The following NBEA variants were observed in gnomAD, a reference collection of about 807,000 sequenced individuals.
The protein encoded by NBEA is lysosomal-trafficking regulator 2.
Under a neutral mutation model 343.4 loss-of-function variants are expected in NBEA, and 44 were observed. The observed-to-expected ratio is 0.13, with a 90% CI of 0.10 to 0.16. The LOEUF (loss-of-function observed/expected upper bound fraction) is 0.16. NBEA is among the 10% of genes least tolerant of loss of function. The pLI, the probability that NBEA is intolerant of heterozygous loss-of-function variation, is 1.00. For missense variants in NBEA, 2,555 were observed against 3,631.3 expected (o/e 0.70, Z 7.62); for synonymous variants, 1,175 against 1,238.7 (o/e 0.95, Z 1.08).
chr13:35,201,083 A>T (rs1323672672), intron 31 of NBEA, among the ~76,000 whole-genome samples: 1 of 152,074 alleles, frequency 6.6e-6, no homozygotes, highest in Non-Finnish European at 1.5e-5. Flanking sequence ...TTGATTATTC[A>T]TCTTCCAGCC....
At chr13:35,577,436 A>G (rs1386000641) in intron 45 of NBEA, among the ~76,000 whole-genome samples, 3 of 152,124 alleles carry the variant, frequency 2.0e-5, no homozygotes, top group African/African-American at 7.2e-5. Context: ...TCTTATATAT[A>G]TTGGAAATTG....
intron 1 of NBEA, among the ~76,000 whole-genome samples, chr13:35,011,590 T>G (rs9542957): frequency 0.93 from 140,988 of 152,208 alleles, 65,799 homozygotes; most frequent in Non-Finnish European, 0.99. Flanking sequence ...TAGCAAAAAT[T>G]TTTTGATATT....
chr13:35,513,845 C>A (rs1303987420), intron 41 of NBEA, among the ~76,000 whole-genome samples: 1 of 151,876 alleles, frequency 6.6e-6, no homozygotes, highest in African/African-American at 2.4e-5. Flanking sequence ...TTTAAAAAAA[C>A]CTAAAATTCC....
intron 39 of NBEA, among the ~76,000 whole-genome samples, chr13:35,432,884 C>A (rs1029058079): frequency 6.6e-6 from 1 of 151,746 alleles, no homozygotes; most frequent in African/African-American, 2.4e-5. Flanking sequence ...TATGCATATA[C>A]ATATTGTATA....
At chr13:35,124,362 A>G (rs1359819358) in intron 17 of NBEA, among the ~76,000 whole-genome samples, 1 of 151,352 alleles carries the variant, frequency 6.6e-6, no homozygotes, top group East Asian at 1.9e-4. Flanking sequence ...TGTATAGCCT[A>G]GAAGTTTAAA....
intron 39 of NBEA, among the ~76,000 whole-genome samples, chr13:35,446,085 C>T (rs868865838): frequency 2.0e-5 from 3 of 151,122 alleles, no homozygotes; most frequent in East Asian, 3.9e-4. Flanking sequence ...TTTGTCCTTA[C>T]GATAGTTTGC....
chr13:35,258,170 ATT>A (rs572598945), intron 34 of NBEA, among the ~76,000 whole-genome samples: 39 of 134,584 alleles, frequency 2.9e-4, no homozygotes, highest in Middle Eastern at 4.1e-3. Context: ...AGTCTTTGTC[ATT>A]TTTTTTTTTT....
intron 45 of NBEA, among the ~76,000 whole-genome samples, chr13:35,575,967 A>G (rs1164520252): frequency 6.6e-6 from 1 of 152,010 alleles, no homozygotes; most frequent in Non-Finnish European, 1.5e-5. Flanking sequence ...AATATTTTGC[A>G]TGTATTTATT....
intron 1 of NBEA, among the ~76,000 whole-genome samples, chr13:34,948,372 G>A (rs998313447): frequency 9.2e-5 from 14 of 152,186 alleles, no homozygotes; most frequent in African/African-American, 3.4e-4. Context: ...AAGGCTTTCT[G>A]ATGGGGATGC....
intron 38 of NBEA, among the ~76,000 whole-genome samples, chr13:35,378,187 A>G (rs1368014217): frequency 1.3e-5 from 2 of 152,184 alleles, no homozygotes; most frequent in Non-Finnish European, 2.9e-5. Flanking sequence ...TTTTTGCTTC[A>G]TTCTTCCTCA....
In NBEA at chr13:34,942,841, C is replaced by A; in HGVS notation, c.21C>A (p.Gly7=). 1.5e-6 allele frequency: 2 copies of A among 1,364,528 alleles called. No homozygotes were observed. Among genetic ancestry groups the A allele is most frequent in the South Asian group, 1.6e-5 (1 of 61,696 alleles). The allele number at this position is 1,364,528 out of a possible 1,614,324, so 84.5% of individuals were successfully genotyped here. A position where few individuals can be genotyped will look rare whatever the true frequency, so the allele number is the denominator to read the frequency against. Residue 7 remains glycine (G), a synonymous_variant, in exon 1 of 59, where the codon GGC becomes GGA. Transcript: ENST00000379939. Reference sequence around the variant, plus strand: ...GGCCAATGGCTAGCGAGAAGCCGGGCCCGGGCCCGGGGCTCGAGCCTCAGC... The same window carrying A: ...GGCCAATGGCTAGCGAGAAGCCGGGACCGGGCCCGGGGCTCGAGCCTCAGC... MASEKP[G]PGPGLEPQPV...
Position 35,522,475 on chromosome 13 carries a change from C to CA in NBEA, c.6586-27971dup, listed in dbSNP as rs138270833. Reference sequence around the variant, plus strand: ...GGGCAACAAAGCAAGATACCATCTCCAAAAAAAAAAAAAAAAAAAAAAAAA... The same window carrying CA: ...GGGCAACAAAGCAAGATACCATCTCCAAAAAAAAAAAAAAAAAAAAAAAAAA... On this transcript the variant is annotated intron_variant, in intron 41 of 58. Coordinates refer to ENST00000379939, the MANE Select transcript of NBEA (RefSeq NM_001385012.1). Among the ~76,000 whole-genome samples, 196 of 42,046 alleles carry CA rather than the reference C, an allele frequency of 4.7e-3. 8 individuals are homozygous for CA. Among genetic ancestry groups the CA allele is most frequent in the African/African-American group, 0.012 (176 of 15,020 alleles). The allele number at this position is 42,046 out of a possible 152,430, so 27.6% of individuals were successfully genotyped here.
intron 45 of NBEA, among the ~76,000 whole-genome samples, chr13:35,570,689 A>G (rs2080364874): frequency 6.6e-6 from 1 of 152,322 alleles, no homozygotes; most frequent in East Asian, 1.9e-4. Flanking sequence ...TTACTCGTGC[A>G]TTGTTCCCAT....
chr13:35,319,321 G>T (rs1433250438), intron 36 of NBEA, among the ~76,000 whole-genome samples: 1 of 152,136 alleles, frequency 6.6e-6, no homozygotes, highest in Non-Finnish European at 1.5e-5. Context: ...TGGTTTCAAA[G>T]AATTATTTAT....
intron 10 of NBEA, among the ~76,000 whole-genome samples, chr13:35,097,274 C>G (rs2065384226): frequency 6.6e-6 from 1 of 151,652 alleles, no homozygotes; most frequent in African/African-American, 2.4e-5. Context: ...TCAAGTTTTC[C>G]TTATTACCAG....
intron 38 of NBEA, among the ~76,000 whole-genome samples, chr13:35,371,334 G>A (rs1268666389): frequency 6.6e-6 from 1 of 151,400 alleles, no homozygotes; most frequent in East Asian, 1.9e-4. Context: ...TTTCTTACTG[G>A]GTTATTTCAA....
intron 34 of NBEA, among the ~76,000 whole-genome samples, chr13:35,253,469 C>T (rs538469557): frequency 5.3e-5 from 8 of 152,258 alleles, no homozygotes; most frequent in South Asian, 2.1e-4. Context: ...CACTGGGAAA[C>T]GAGAATTGTG....
intron 41 of NBEA, among the ~76,000 whole-genome samples, chr13:35,536,268 G>A (rs1248381404): frequency 6.6e-6 from 1 of 151,978 alleles, no homozygotes; most frequent in African/African-American, 2.4e-5. Context: ...CTACCTACCT[G>A]GCAGATACTT....
chr13:35,336,094 A>C (rs1023217662), intron 36 of NBEA, among the ~76,000 whole-genome samples: 4 of 152,118 alleles, frequency 2.6e-5, no homozygotes. Context: ...TTAGCTGACC[A>C]CTAAGGTAAT....
Sources: gnomAD v4.1 joint callset for allele counts (sites outside exome capture counted in the v4.1 genomes callset) on GRCh38, gnomAD v4.1.1 for gene constraint, MANE v1.5 for transcripts, NCBI Gene and HGNC (gene_info 2026-07-23, HGNC 2026-07-21) for gene names.